FXR2: variants seen among roughly 807,000 people sequenced by gnomAD.
FXR2 encodes the protein FMR1 autosomal homolog 2.
A neutral mutation model predicts 87.3 loss-of-function variants in FXR2; 9 were observed. That is an observed-to-expected ratio of 0.10 (90% CI 0.06 to 0.18). The LOEUF (loss-of-function observed/expected upper bound fraction) is 0.18, where lower values mean the gene tolerates loss of function less well. FXR2 is among the 10% of genes least tolerant of loss of function. FXR2 has a pLI of 1.00. For missense variants in FXR2, 661 were observed against 893.6 expected (o/e 0.74, Z 3.32); for synonymous variants, 331 against 328.3 (o/e 1.01, Z -0.09).
intron 3 of FXR2, among the ~76,000 whole-genome samples, chr17:7,604,380 C>A (rs780969580): frequency 7.2e-5 from 11 of 151,962 alleles, no homozygotes; most frequent in African/African-American, 1.4e-4. Context: ...ATCTGGGCAA[C>A]ACAGTGAGAC....
At chr17:7,600,418 G>A (rs78502884) in intron 7 of FXR2, among the ~76,000 whole-genome samples, 432 of 151,196 alleles carry the variant, frequency 2.9e-3, no homozygotes, top group Middle Eastern at 0.028. Context: ...TCCCAACCTC[G>A]GATTGATCTG....
rs1373105543 is a variant in FXR2 at position 7,605,709 on chromosome 17, C to G, written c.164G>C (p.Gly55Ala). 12 of 1,594,718 alleles carry G rather than the reference C, an allele frequency of 7.5e-6. No homozygotes were observed. The South Asian group carries it at 1.3e-4, about 18-fold the overall frequency. Residue 55 changes from glycine to alanine, a missense_variant, in exon 3 of 17, where the codon GGG becomes GCG. Physicochemically the swap from Gly to Ala is moderately conservative, Grantham distance 60. Coordinates refer to ENST00000250113, the MANE Select transcript of FXR2 (RefSeq NM_004860.4). ...NWQSERQIPF[G>A]DVRLPPPADY... is the part of the protein sequence containing the mutation. Reference sequence around the variant, plus strand: ...AGCTGGAGGTGGTAGCCGGACATCCCCAAAAGGAATTTGTCTCTCACTCTG... The same window carrying G: ...AGCTGGAGGTGGTAGCCGGACATCCGCAAAAGGAATTTGTCTCTCACTCTG...
In FXR2 at chr17:7,594,648, C is replaced by A; in HGVS notation, c.910+31G>T. 1 of 1,347,362 alleles carries A rather than the reference C, an allele frequency of 7.4e-7. No homozygotes were observed. Among genetic ancestry groups the A allele is most frequent in the East Asian group, 2.3e-5 (1 of 43,682 alleles). 83.5% of individuals were successfully genotyped at this position (1,347,362 alleles called of 1,614,324 possible). A position where few individuals can be genotyped will look rare whatever the true frequency, so the allele number is the denominator to read the frequency against. On this transcript the variant is annotated intron_variant, in intron 9 of 16. Coordinates refer to ENST00000250113, the MANE Select transcript of FXR2 (RefSeq NM_004860.4). This position sits in a 1 kb window ranked among gnomAD's most constrained non-coding sequence, Gnocchi z 5.1. ...CACTGTAGAGAATCTTGATTCTGAC[C>A]TCTAACTGTATATACACACCACCAA...
chr17:7,596,029 T>G, intron 7 of FXR2, 35 bp from the exon 8 acceptor site: 7 of 1,556,484 alleles, frequency 4.5e-6, no homozygotes, highest in Non-Finnish European at 6.2e-6. Flanking sequence ...ATCATGGTGG[T>G]AGAATCTCAC....
rs1260278208 is a variant in FXR2, at chr17:7,606,183, A to G, written c.82-34T>C. The G allele has an allele frequency of 5.0e-6, 7 of 1,406,776 alleles. No homozygotes were observed. In the South Asian group the frequency reaches 6.2e-5, roughly 12 times the overall value. The allele number at this position is 1,406,776 out of a possible 1,614,324, so 87.1% of individuals were successfully genotyped here. On this transcript the variant is annotated intron_variant, in intron 1 of 16. Coordinates refer to ENST00000250113, the MANE Select transcript of FXR2 (RefSeq NM_004860.4). Reference sequence around the variant, plus strand: ...GATTTTAGAAAAAAGCAAAAAAAATAAAATGACCTTTTACTTCCACCTTAG... The same window carrying G: ...GATTTTAGAAAAAAGCAAAAAAAATGAAATGACCTTTTACTTCCACCTTAG...
At position 7,612,312 on chromosome 17, in the gene FXR2, G is replaced by T. The variant is rs1390500303; in HGVS notation, c.81+2140C>A. On this transcript the variant is annotated intron_variant, in intron 1 of 16. Coordinates refer to ENST00000250113, the MANE Select transcript of FXR2 (RefSeq NM_004860.4). ...AAAAGATACCAAGGTAAACAGGGAG[G>T]GCCACTTTAGGAAGCTATTTCAACA... Among the ~76,000 whole-genome samples, 5 of 152,258 alleles carry T rather than the reference G, an allele frequency of 3.3e-5. No individual in the cohort carries two copies. In the East Asian group the frequency reaches 9.6e-4, roughly 29 times the overall value.
Position 7,591,896 on chromosome 17 carries a change from G to T in FXR2, c.1956C>A (p.Gly652=). The change falls in exon 17 of 17, where the codon GGC becomes GGA. Residue 652 remains glycine, a synonymous_variant. Coordinates refer to ENST00000250113, the MANE Select transcript of FXR2 (RefSeq NM_004860.4). The surrounding 1 kb of genome is among the most constrained non-coding windows in gnomAD (Gnocchi z 4.0). ...KGDSVSKLPK[G]PSENGELSAP... ...CGGAGAGCTCCCCATTCTCCGAGGG[G>T]CCCTTAGGAAGCTTGCTGACAGAGT... 3 of 1,603,810 alleles carry T rather than the reference G, an allele frequency of 1.9e-6. No homozygotes were observed. Among genetic ancestry groups the T allele is most frequent in the Non-Finnish European group, 2.6e-6 (3 of 1,170,788 alleles).
chr17:7,604,645 C>A (rs972252487), intron 3 of FXR2, among the ~76,000 whole-genome samples: 1 of 149,744 alleles, frequency 6.7e-6, no homozygotes, highest in African/African-American at 2.4e-5. Context: ...GAGCTGAGAC[C>A]GCGCCACTGC....
Position 7,614,561 on chromosome 17 carries a change from G to A in FXR2, c.-29C>T. ...GCCGCCACCGCCTCCGACTCCCCCG[G>A]CGGCGGCTGCAGCAGCAGTCTGAGT... On this transcript the variant is annotated 5_prime_UTR_variant, in exon 1 of 17. Coordinates refer to ENST00000250113, the MANE Select transcript of FXR2 (RefSeq NM_004860.4). The A allele has an allele frequency of 7.1e-7, 1 of 1,405,966 alleles. No individual in the cohort carries two copies. Among genetic ancestry groups the A allele is most frequent in the Non-Finnish European group, 9.3e-7 (1 of 1,071,210 alleles). 87.1% of individuals were successfully genotyped at this position (1,405,966 alleles called of 1,614,324 possible).
intron 5 of FXR2, 98 bp downstream of exon 5, chr17:7,603,659 C>T (rs2071778553): frequency 1.7e-6 from 2 of 1,191,428 alleles, no homozygotes; most frequent in Non-Finnish European, 2.4e-6. Flanking sequence ...AGGGGAACAA[C>T]AGAGAAAACT....
At chr17:7,611,063 G>A (rs1012035627) in intron 1 of FXR2, among the ~76,000 whole-genome samples, 3 of 152,216 alleles carry the variant, frequency 2.0e-5, no homozygotes, top group South Asian at 4.1e-4. Flanking sequence ...AAGGAATGGG[G>A]ATTAGGATAT....
At position 7,592,922 on chromosome 17, in the gene FXR2, G is replaced by A; in HGVS notation, c.1529-28C>T. The A allele has an allele frequency of 6.5e-7, 1 of 1,549,042 alleles. No homozygotes were observed. Among genetic ancestry groups the A allele is most frequent in the Non-Finnish European group, 8.7e-7 (1 of 1,146,508 alleles). ...GGTCAGAGGAAGAAGAGGAGGAGTT[G>A]GCAGTCAGGTGCCCATCATCTTTCC... is the stretch of plus-strand genomic sequence containing the variant. On this transcript the variant is annotated intron_variant, in intron 13 of 16. Coordinates refer to ENST00000250113, the MANE Select transcript of FXR2 (RefSeq NM_004860.4). This position sits in a 1 kb window ranked among gnomAD's most constrained non-coding sequence, Gnocchi z 4.8.
intron 1 of FXR2, among the ~76,000 whole-genome samples, chr17:7,608,557 GCAGT>G (rs1291137967): frequency 6.6e-6 from 1 of 150,962 alleles, no homozygotes; most frequent in Non-Finnish European, 1.5e-5. Context: ...GTTAGAGACT[GCAGT>G]CAGTCAAGAT....
chr17:7,592,780 G>GAGC lies in FXR2; in HGVS notation c.1640_1642dup (p.Arg547_Ser548insCys). ...GTCTTCATCAGTGCGGCGGCGGCGG[G>GAGC]AGCGGCGGCGCCTGGCACTTGCTGG... On this transcript the variant is annotated inframe_insertion, in exon 14 of 17. Coordinates refer to ENST00000250113, the MANE Select transcript of FXR2 (RefSeq NM_004860.4). This position sits in a 1 kb window ranked among gnomAD's most constrained non-coding sequence, Gnocchi z 4.8. The GAGC allele has an allele frequency of 1.1e-5, 17 of 1,613,488 alleles. No homozygotes were observed. Among genetic ancestry groups the GAGC allele is most frequent in the Non-Finnish European group, 1.4e-5 (17 of 1,179,710 alleles).
In FXR2 at chr17:7,593,817, AC is replaced by A; in HGVS notation, c.1107+100del. 1 of 882,176 alleles carries A rather than the reference AC, an allele frequency of 1.1e-6. No individual in the cohort carries two copies. Among genetic ancestry groups the A allele is most frequent in the African/African-American group, 1.7e-5 (1 of 60,436 alleles). 54.6% of individuals were successfully genotyped at this position (882,176 alleles called of 1,614,324 possible). A position where few individuals can be genotyped will look rare whatever the true frequency, so the allele number is the denominator to read the frequency against. On this transcript the variant is annotated intron_variant, in intron 11 of 16. Transcript: ENST00000250113. The surrounding 1 kb of genome is among the most constrained non-coding windows in gnomAD (Gnocchi z 6.1). Reference sequence around the variant, plus strand: ...AATTTCCACAGATGTTTTCTGTTCTACACGGAGAGACAAACAGAGAACCAAA... The same window carrying A: ...AATTTCCACAGATGTTTTCTGTTCTAACGGAGAGACAAACAGAGAACCAAA...
chr17:7,592,670 T>G lies in FXR2; in HGVS notation c.1729+24A>C. Reference sequence around the variant, plus strand: ...CTCGATTCCTACCCATCTCTAACTTTCCAGACCCCAGGCACACCCTCACCC... The same window carrying G: ...CTCGATTCCTACCCATCTCTAACTTGCCAGACCCCAGGCACACCCTCACCC... On this transcript the variant is annotated intron_variant, in intron 14 of 16. Coordinates refer to ENST00000250113, the MANE Select transcript of FXR2 (RefSeq NM_004860.4). This position sits in a 1 kb window ranked among gnomAD's most constrained non-coding sequence, Gnocchi z 4.8. The G allele has an allele frequency of 6.2e-7, 1 of 1,613,260 alleles. No individual in the cohort carries two copies. The highest frequency in any genetic ancestry group is 8.5e-7 in the Non-Finnish European group (1 of 1,179,462).
At chr17:7,599,723 C>T (rs2071737586) in intron 7 of FXR2, among the ~76,000 whole-genome samples, 1 of 151,582 alleles carries the variant, frequency 6.6e-6, no homozygotes, top group Admixed American at 6.6e-5. Context: ...CTAAAAAAGA[C>T]AAAAATTAGC....
At position 7,606,158 on chromosome 17, in the gene FXR2, G is replaced by T. The variant is rs377011951; in HGVS notation, c.82-9C>A. The T allele has an allele frequency of 4.4e-4, 672 of 1,534,254 alleles. 8 individuals carry two copies. Among genetic ancestry groups the T allele is most frequent in the South Asian group, 4.0e-3 (333 of 83,436 alleles). ...ACATCCTTCACAAAGCCCTAGAATG[G>T]ATTTTAGAAAAAAGCAAAAAAAATA... On this transcript the variant is annotated splice_polypyrimidine_tract_variant and intron_variant, in intron 1 of 16. Transcript: ENST00000250113.
intron 1 of FXR2, among the ~76,000 whole-genome samples, chr17:7,612,810 C>G (rs1360511503): frequency 6.6e-6 from 1 of 151,804 alleles, no homozygotes; most frequent in South Asian, 2.1e-4. Context: ...TCCTGGCTAA[C>G]ACAGTGAAAC....
Sources: allele counts gnomAD v4.1 joint callset (sites outside exome capture counted in the v4.1 genomes callset), GRCh38; gene constraint gnomAD v4.1.1; non-coding constraint Gnocchi (gnomAD v3.1); transcripts MANE v1.5; gene names NCBI Gene and HGNC (gene_info 2026-07-23, HGNC 2026-07-21).